Variants in TAFA5 observed in about 807,000 individuals in gnomAD.
TAFA5 encodes TAFA chemokine like family member 5, also known as chemokine-like protein TAFA-5.
In TAFA5, 6 loss-of-function variants were observed where a neutral mutation model predicts 15.3. The ratio of observed to expected loss-of-function variants is 0.39; its 90% CI spans 0.21 to 0.77. The LOEUF (loss-of-function observed/expected upper bound fraction) is 0.77. TAFA5 is among the 30% of genes least tolerant of loss of function. The pLI is 0.41. For missense variants in TAFA5, 161 were observed against 193.1 expected, an observed-to-expected ratio of 0.83 and a Z score of 0.98; for synonymous variants, 103 against 80.7, an observed-to-expected ratio of 1.28 and a Z score of -1.48.
intron 1 of TAFA5, among the ~76,000 whole-genome samples, chr22:48,510,189 A>C (rs1228197805): frequency 1.3e-5 from 2 of 152,170 alleles, no homozygotes; most frequent in African/African-American, 2.4e-5. Flanking sequence ...AATAACAGAC[A>C]ATTGGGATTA....
intron 2 of TAFA5, among the ~76,000 whole-genome samples, chr22:48,700,339 G>A (rs1262970663): frequency 1.3e-5 from 2 of 152,124 alleles, no homozygotes; most frequent in Non-Finnish European, 1.5e-5. Flanking sequence ...GGTAGGCATC[G>A]GCCTTTCCAC....
chr22:48,736,940 A>C (rs2147270936), intron 3 of TAFA5, among the ~76,000 whole-genome samples: 1 of 149,888 alleles, frequency 6.7e-6, no homozygotes, highest in African/African-American at 2.5e-5. Flanking sequence ...TGATGCTTTA[A>C]GTGGCAAATT....
At chr22:48,642,831 C>T (rs1926732811) in intron 1 of TAFA5, among the ~76,000 whole-genome samples, 1 of 151,952 alleles carries the variant, frequency 6.6e-6, no homozygotes, top group Non-Finnish European at 1.5e-5. Flanking sequence ...GGTGTGTGTG[C>T]ATGCACACGT....
rs958522855 is a variant in TAFA5, at chr22:48,490,251, G to A, written c.112+547G>A. Among the ~76,000 whole-genome samples the A allele has an allele frequency of 2.0e-5, 3 of 152,264 alleles. No individual in the cohort carries two copies. Among genetic ancestry groups the A allele is most frequent in the Admixed American group, 6.5e-5 (1 of 15,306 alleles). On this transcript the variant is annotated intron_variant, in intron 1 of 3. Coordinates refer to ENST00000402357, the MANE Select transcript of TAFA5 (RefSeq NM_001082967.3). The surrounding 1 kb of genome is among the most constrained non-coding windows in gnomAD (Gnocchi z 5.8). Reference sequence around the variant, plus strand: ...GGGCTCGTCAGGCGCCTTCTGGAAAGAGAAGCGAAGTGAGGGATGGGATGC... The same window carrying A: ...GGGCTCGTCAGGCGCCTTCTGGAAAAAGAAGCGAAGTGAGGGATGGGATGC...
At chr22:48,702,633 G>C (rs1928946565) in intron 2 of TAFA5, among the ~76,000 whole-genome samples, 1 of 152,198 alleles carries the variant, frequency 6.6e-6, no homozygotes, top group African/African-American at 2.4e-5. Context: ...TGTCTGCCCA[G>C]AGCCCACGTT....
chr22:48,593,613 A>G (rs1212921351), intron 1 of TAFA5, among the ~76,000 whole-genome samples: 2 of 152,090 alleles, frequency 1.3e-5, no homozygotes, highest in Non-Finnish European at 2.9e-5. Flanking sequence ...TGTTGGTACC[A>G]ATTGCTTAAA....
chr22:48,649,353 C>T (rs913580682), intron 2 of TAFA5, among the ~76,000 whole-genome samples: 12 of 152,208 alleles, frequency 7.9e-5, no homozygotes, highest in South Asian at 2.1e-4. Context: ...CTGGGAAGCT[C>T]TTTGGCACTT....
At chr22:48,619,247 C>T (rs936944816) in intron 1 of TAFA5, among the ~76,000 whole-genome samples, 3 of 152,152 alleles carry the variant, frequency 2.0e-5, no homozygotes, top group South Asian at 4.1e-4. Flanking sequence ...TAGAGGGTGC[C>T]GTCAGGGTTG....
intron 2 of TAFA5, among the ~76,000 whole-genome samples, chr22:48,678,968 GTCTCCCC>G (rs1928072688): frequency 7.5e-6 from 1 of 133,084 alleles, no homozygotes; most frequent in African/African-American, 3.0e-5. Context: ...TCCCTCTCCC[GTCTCCCC>G]GTCCATCCCT....
At chr22:48,632,294 G>A (rs543134394) in intron 1 of TAFA5, among the ~76,000 whole-genome samples, 12 of 152,310 alleles carry the variant, frequency 7.9e-5, no homozygotes, top group Admixed American at 7.2e-4. Context: ...AGATGGACGG[G>A]TGTTAATCCC....
chr22:48,736,753 G>A (rs1428495120), intron 3 of TAFA5, among the ~76,000 whole-genome samples: 1 of 152,192 alleles, frequency 6.6e-6, no homozygotes, highest in Non-Finnish European at 1.5e-5. Context: ...TGCCCTGTTG[G>A]AGCCCAGTGA....
At chr22:48,588,431 G>A (rs529705616) in intron 1 of TAFA5, among the ~76,000 whole-genome samples, 2 of 152,304 alleles carry the variant, frequency 1.3e-5, no homozygotes, top group East Asian at 3.9e-4. Flanking sequence ...GAAAGGCTCT[G>A]CTGAGGCATT....
At chr22:48,600,616 C>T (rs138285440) in intron 1 of TAFA5, among the ~76,000 whole-genome samples, 3 of 152,300 alleles carry the variant, frequency 2.0e-5, no homozygotes, top group South Asian at 2.1e-4. Flanking sequence ...ATAGTTCTTC[C>T]ATTTCATTTT....
intron 1 of TAFA5, among the ~76,000 whole-genome samples, chr22:48,640,574 G>A (rs1926637207): frequency 6.6e-6 from 1 of 151,432 alleles, no homozygotes; most frequent in African/African-American, 2.4e-5. Flanking sequence ...CTGGGCTGTG[G>A]GTGATGAGAG....
In TAFA5 at chr22:48,566,142, G is replaced by A. The variant is rs1923400366; in HGVS notation, c.112+76438G>A. On this transcript the variant is annotated intron_variant, in intron 1 of 3. Coordinates refer to ENST00000402357, the MANE Select transcript of TAFA5 (RefSeq NM_001082967.3). The surrounding 1 kb of genome is among the most constrained non-coding windows in gnomAD (Gnocchi z 4.5). ...ATGGATGGATGGATGATGAATGGATGATGGGTGGACAATGAATGGATGGTG... is the reference window on the plus strand; with the variant it reads ...ATGGATGGATGGATGATGAATGGATAATGGGTGGACAATGAATGGATGGTG... 6.6e-6 allele frequency among the ~76,000 whole-genome samples: 1 copy of A among 151,908 alleles called. No homozygotes were observed. The highest frequency in any genetic ancestry group is 1.5e-5 in the Non-Finnish European group (1 of 67,982).
chr22:48,575,472 C>T (rs1165909301), intron 1 of TAFA5, among the ~76,000 whole-genome samples: 2 of 146,290 alleles, frequency 1.4e-5, no homozygotes, highest in East Asian at 4.0e-4. Flanking sequence ...GCTCCCCCTC[C>T]CGCCGCCTCC....
intron 1 of TAFA5, among the ~76,000 whole-genome samples, chr22:48,495,926 T>A (rs1000110736): frequency 3.3e-5 from 5 of 152,248 alleles, no homozygotes; most frequent in Admixed American, 6.5e-5. Flanking sequence ...AGCAGCCTCC[T>A]GCCTACAGGG....
Position 48,552,140 on chromosome 22 carries a change from C to T in TAFA5, c.112+62436C>T, listed in dbSNP as rs1027422171. On this transcript the variant is annotated intron_variant, in intron 1 of 3. Coordinates refer to ENST00000402357, the MANE Select transcript of TAFA5 (RefSeq NM_001082967.3). This position sits in a 1 kb window ranked among gnomAD's most constrained non-coding sequence, Gnocchi z 4.1. ...TGTGAGCCCTCCTTGTGTGGGCTCC[C>T]GGGGACCACCAGAGAGCCCCTCCCA... is the stretch of plus-strand genomic sequence containing the variant. Among the ~76,000 whole-genome samples the T allele has an allele frequency of 8.5e-5, 13 of 152,260 alleles. No individual in the cohort carries two copies. The highest frequency in any genetic ancestry group is 2.9e-4 in the African/African-American group (12 of 41,550).
rs897944132 is a variant in TAFA5 at position 48,659,068 on chromosome 22, G to A, written c.262+12322G>A. Among the ~76,000 whole-genome samples the A allele has an allele frequency of 3.9e-5, 6 of 152,346 alleles. No individual in the cohort carries two copies. In the South Asian group the frequency reaches 8.3e-4, roughly 21 times the overall value. ...GCAGCAGAGTCCGGGGCAAGTCTCC[G>A]AGGGCCCTGCTGAGGGCGCAGCGCC... On this transcript the variant is annotated intron_variant, in intron 2 of 3. Coordinates refer to ENST00000402357, the MANE Select transcript of TAFA5 (RefSeq NM_001082967.3).
Sources: gnomAD v4.1 joint callset for allele counts (sites outside exome capture counted in the v4.1 genomes callset) on GRCh38, gnomAD v4.1.1 for gene constraint, Gnocchi (gnomAD v3.1) non-coding constraint, MANE v1.5 for transcripts, NCBI Gene and HGNC (gene_info 2026-07-23, HGNC 2026-07-21) for gene names.